Variants in SLC22A24 observed in about 807,000 individuals in gnomAD.
SLC22A24 encodes the protein steroid transmembrane transporter SLC22A24.
SLC22A24 carries 53 observed loss-of-function variants against 49.8 expected under a neutral mutation model. The ratio of observed to expected loss-of-function variants is 1.06; its 90% CI spans 0.85 to 1.34. SLC22A24 has a LOEUF of 1.34. Among genes scored for constraint, SLC22A24 ranks in the 40% most tolerant of loss-of-function variants. The pLI, the probability that SLC22A24 is intolerant of heterozygous loss-of-function variation, is 0.00. For synonymous variants in SLC22A24, 302 were observed against 256.4 expected (o/e 1.18, Z -1.70); for missense variants, 786 against 675.9 (o/e 1.16, Z -1.81).
chr11:63,115,462 C>T (rs1006654197), intron 4 of SLC22A24, among the ~76,000 whole-genome samples: 1 of 152,200 alleles, frequency 6.6e-6, no homozygotes, highest in Non-Finnish European at 1.5e-5. Flanking sequence ...TTTCCAGGTA[C>T]AGTCTGTCAT....
chr11:63,119,771 A>G (rs1435935679), intron 2 of SLC22A24, among the ~76,000 whole-genome samples: 1 of 152,184 alleles, frequency 6.6e-6, no homozygotes, highest in Non-Finnish European at 1.5e-5. Context: ...TGAAAGGAAG[A>G]GTGGAAAGAC....
rs1416447084 is a variant in SLC22A24, at chr11:63,106,245, A to G, written c.831-1947T>C. On this transcript the variant is annotated intron_variant, in intron 4 of 9. Transcript: ENST00000612278. ...ATGGTTTCCAGTTTCATCCACGTCC[A>G]TACAAAGGACATGAACTCATCATTT... 2.0e-5 allele frequency among the ~76,000 whole-genome samples: 3 copies of G among 151,994 alleles called. No individual in the cohort carries two copies. The East Asian group carries it at 5.8e-4, about 29-fold the overall frequency.
intron 2 of SLC22A24, among the ~76,000 whole-genome samples, chr11:63,133,756 C>T (rs181588232): frequency 3.9e-5 from 6 of 152,186 alleles, no homozygotes; most frequent in Admixed American, 2.6e-4. Context: ...ATTCTCACAC[C>T]TCAGCCTCCT....
intron 1 of SLC22A24, among the ~76,000 whole-genome samples, chr11:63,135,310 C>T (rs2087365831): frequency 6.6e-6 from 1 of 152,276 alleles, no homozygotes; most frequent in East Asian, 1.9e-4. Flanking sequence ...TTTAAAAATA[C>T]CGATGCCTAG....
At position 63,121,951 on chromosome 11, in the gene SLC22A24, C is replaced by A. The variant is rs534095381; in HGVS notation, c.507-2616G>T. ...ATTAATAATAAACACATGAGAAAGC[C>A]CTTTATGGTGAAAGATGGGAATAGA... On this transcript the variant is annotated intron_variant, in intron 2 of 9. Coordinates refer to ENST00000612278, the MANE Select transcript of SLC22A24 (RefSeq NM_001136506.2). Among the ~76,000 whole-genome samples, 6 of 151,940 alleles carry A rather than the reference C, an allele frequency of 3.9e-5. No homozygotes were observed. In the South Asian group the frequency reaches 1.0e-3, roughly 26 times the overall value.
intron 4 of SLC22A24, among the ~76,000 whole-genome samples, chr11:63,115,709 C>T (rs374186262): frequency 2.0e-4 from 30 of 152,160 alleles, no homozygotes; most frequent in African/African-American, 5.8e-4. Flanking sequence ...ATGGAAGACC[C>T]GGTTTTGTTT....
At chr11:63,143,329 T>A (rs550969060) in intron 1 of SLC22A24, 49 bp downstream of exon 1, 1 of 1,396,352 alleles carries the variant, frequency 7.2e-7, no homozygotes, top group East Asian at 2.6e-5. Flanking sequence ...TTGTGTTAAC[T>A]CCAAACACTT....
chr11:63,104,874 A>AT (rs1229103442), intron 4 of SLC22A24, among the ~76,000 whole-genome samples: 1 of 152,102 alleles, frequency 6.6e-6, no homozygotes, highest in Non-Finnish European at 1.5e-5. Context: ...CAAAGTCTTA[A>AT]TTTTTTCGGC....
chr11:63,138,428 G>T (rs1007985153), intron 1 of SLC22A24, among the ~76,000 whole-genome samples: 1 of 151,976 alleles, frequency 6.6e-6, no homozygotes. Flanking sequence ...AGATCATAAG[G>T]TCAGGAGATC....
chr11:63,083,472 A>G lies in SLC22A24; in HGVS notation c.1071-15T>C. 6.5e-7 allele frequency: 1 copy of G among 1,535,864 alleles called. No individual in the cohort carries two copies. The highest frequency in any genetic ancestry group is 8.8e-7 in the Non-Finnish European group (1 of 1,133,068). ...TGATTGCGAATCTGAAGTGAATAAAAAGGACAAAGACATATTCAATAAGAT... is the reference window on the plus strand; with the variant it reads ...TGATTGCGAATCTGAAGTGAATAAAGAGGACAAAGACATATTCAATAAGAT... On this transcript the variant is annotated splice_polypyrimidine_tract_variant and intron_variant, in intron 6 of 9. Transcript: ENST00000612278.
rs147596465 is a variant in SLC22A24 at position 63,101,698 on chromosome 11, T to C, written c.954+2477A>G. Among the ~76,000 whole-genome samples the C allele has an allele frequency of 2.8e-3, 430 of 152,170 alleles. 2 individuals are homozygous for C. Among genetic ancestry groups the C allele is most frequent in the African/African-American group, 9.9e-3 (413 of 41,556 alleles). Reference sequence around the variant, plus strand: ...GATATGGGGGCAACCTAAGTGTCCATCTACAAATAAATTGATAAAGAAAAG... The same window carrying C: ...GATATGGGGGCAACCTAAGTGTCCACCTACAAATAAATTGATAAAGAAAAG... On this transcript the variant is annotated intron_variant, in intron 5 of 9. Transcript: ENST00000612278.
chr11:63,106,019 A>G (rs1187559875), intron 4 of SLC22A24, among the ~76,000 whole-genome samples: 15 of 151,658 alleles, frequency 9.9e-5, no homozygotes, highest in African/African-American at 3.4e-4. Flanking sequence ...CCATGCTGGT[A>G]TGCTGCACCC....
intron 9 of SLC22A24, 124 bp downstream of exon 9, chr11:63,080,796 A>C: frequency 1.3e-6 from 1 of 773,994 alleles, no homozygotes; most frequent in East Asian, 2.7e-5. Flanking sequence ...TGACAAATAG[A>C]AAAGTCCTAG....
At chr11:63,108,360 A>G (rs1193936823) in intron 4 of SLC22A24, among the ~76,000 whole-genome samples, 1 of 152,148 alleles carries the variant, frequency 6.6e-6, no homozygotes, top group African/African-American at 2.4e-5. Flanking sequence ...GGATTTTCAT[A>G]TCAATGTTCA....
At chr11:63,124,222 A>T (rs2087272217) in intron 2 of SLC22A24, among the ~76,000 whole-genome samples, 1 of 152,176 alleles carries the variant, frequency 6.6e-6, no homozygotes, top group Non-Finnish European at 1.5e-5. Context: ...CAGATCTCAG[A>T]GCTGGCAAGA....
At chr11:63,135,179 G>C (rs2087364996) in intron 1 of SLC22A24, among the ~76,000 whole-genome samples, 1 of 152,094 alleles carries the variant, frequency 6.6e-6, no homozygotes, top group Admixed American at 6.6e-5. Flanking sequence ...ATCTTTCTAA[G>C]AAGGCTTCCC....
At chr11:63,108,142 C>A (rs1198543970) in intron 4 of SLC22A24, among the ~76,000 whole-genome samples, 4 of 152,024 alleles carry the variant, frequency 2.6e-5, no homozygotes, top group African/African-American at 9.7e-5. Flanking sequence ...TTTTCGCATG[C>A]AGGGCTATTG....
chr11:63,128,894 C>A (rs1211656282), intron 2 of SLC22A24, among the ~76,000 whole-genome samples: 3 of 152,204 alleles, frequency 2.0e-5, no homozygotes, highest in Non-Finnish European at 4.4e-5. Context: ...TCTTTTACCT[C>A]TTTGTCTTGT....
chr11:63,116,967 CT>C (rs35009307), intron 4 of SLC22A24, among the ~76,000 whole-genome samples: 120,366 of 151,928 alleles, frequency 0.79, 48,874 homozygotes, highest in East Asian at 0.9. Context: ...TTGGAGACAT[CT>C]TTTTTTTGTA....
Sources: gnomAD v4.1 joint callset for allele counts (sites outside exome capture counted in the v4.1 genomes callset) on GRCh38, gnomAD v4.1.1 for gene constraint, MANE v1.5 for transcripts, NCBI Gene and HGNC (gene_info 2026-07-23, HGNC 2026-07-21) for gene names.